SPIRE1: variants seen among roughly 807,000 people sequenced by gnomAD.
SPIRE1 encodes the protein protein spire homolog 1.
Under a neutral mutation model 94.1 loss-of-function variants are expected in SPIRE1, and 40 were observed. That is an observed-to-expected ratio of 0.43 (90% CI 0.33 to 0.55). SPIRE1 has a LOEUF of 0.55. Among genes scored for constraint, SPIRE1 ranks in the 20% least tolerant of loss-of-function variants. The pLI is 0.06. For synonymous variants in SPIRE1, 376 were observed against 371.7 expected (o/e 1.01, Z -0.13); for missense variants, 838 against 975.2 (o/e 0.86, Z 1.87).
At chr18:12,555,168 T>C (rs1030905500) in intron 2 of SPIRE1, among the ~76,000 whole-genome samples, 3 of 152,244 alleles carry the variant, frequency 2.0e-5, no homozygotes, top group Admixed American at 6.5e-5. Context: ...TCTCCTCAGC[T>C]GCAGGCACCC....
intron 10 of SPIRE1, among the ~76,000 whole-genome samples, chr18:12,471,352 C>G (rs929871754): frequency 6.6e-5 from 10 of 151,712 alleles, no homozygotes; most frequent in Non-Finnish European, 1.5e-4. Flanking sequence ...ATTTCTAAGG[C>G]CCCTTCCAGT....
At chr18:12,637,701 A>G (rs767074014) in intron 1 of SPIRE1, among the ~76,000 whole-genome samples, 6 of 152,218 alleles carry the variant, frequency 3.9e-5, no homozygotes, top group Non-Finnish European at 7.3e-5. Context: ...GGGCACGCCA[A>G]GCCCATTCCC....
chr18:12,596,512 G>C (rs1406679707), intron 2 of SPIRE1, among the ~76,000 whole-genome samples: 1 of 151,940 alleles, frequency 6.6e-6, no homozygotes. Context: ...TTCCCACAAA[G>C]TTGAAAGGGG....
intron 2 of SPIRE1, among the ~76,000 whole-genome samples, chr18:12,629,359 C>A (rs1039975404): frequency 6.6e-6 from 1 of 152,112 alleles, no homozygotes; most frequent in Non-Finnish European, 1.5e-5. Flanking sequence ...AGATTATAAT[C>A]CACAAAACTA....
rs191072160 is a variant in SPIRE1, at chr18:12,583,383, C to T, written c.373-36479G>A. On this transcript the variant is annotated intron_variant, in intron 2 of 16. Transcript: ENST00000409402. ...CTTTGGGAGGCCAAGGCAGGCGGATCATGAGGTCAAGAGATTGAGACCATC... is the reference window on the plus strand; with the variant it reads ...CTTTGGGAGGCCAAGGCAGGCGGATTATGAGGTCAAGAGATTGAGACCATC... Among the ~76,000 whole-genome samples the T allele has an allele frequency of 8.1e-3, 1,234 of 152,292 alleles. 13 individuals carry two copies. Among genetic ancestry groups the T allele is most frequent in the African/African-American group, 0.028 (1,179 of 41,560 alleles).
In SPIRE1 at chr18:12,463,336, C is replaced by A; in HGVS notation, c.1638+15G>T. 1.3e-6 allele frequency: 2 copies of A among 1,594,222 alleles called. No individual in the cohort carries two copies. The highest frequency in any genetic ancestry group is 1.7e-6 in the Non-Finnish European group (2 of 1,169,468). The stretch of plus-strand genomic sequence containing the variant: ...GCTGGTCCCTAAGTTACTACAAAGT[C>A]TTTCCTGTACTTACAAGAGAGCGGG... On this transcript the variant is annotated intron_variant, in intron 12 of 16. Coordinates refer to ENST00000409402, the MANE Select transcript of SPIRE1 (RefSeq NM_001128626.2).
chr18:12,628,879 G>A (rs1450489192), intron 2 of SPIRE1, among the ~76,000 whole-genome samples: 4 of 152,094 alleles, frequency 2.6e-5, no homozygotes, highest in African/African-American at 9.7e-5. Context: ...TGAGTAAGCT[G>A]TAAAATATTT....
chr18:12,456,648 T>C (rs1388016197), intron 12 of SPIRE1, among the ~76,000 whole-genome samples: 1 of 152,164 alleles, frequency 6.6e-6, no homozygotes, highest in East Asian at 1.9e-4. Context: ...ATGATGTGGA[T>C]AACTGGGCTG....
intron 4 of SPIRE1, among the ~76,000 whole-genome samples, chr18:12,514,789 AT>A (rs959908922): frequency 6.6e-6 from 1 of 152,192 alleles, no homozygotes; most frequent in Non-Finnish European, 1.5e-5. Flanking sequence ...CTCACATTAC[AT>A]TTAAGTGTCT....
intron 10 of SPIRE1, among the ~76,000 whole-genome samples, chr18:12,474,641 G>A (rs1283832114): frequency 6.6e-6 from 1 of 152,150 alleles, no homozygotes; most frequent in Non-Finnish European, 1.5e-5. Flanking sequence ...GGCCAACATG[G>A]TGAAACCCTA....
At chr18:12,506,814 G>A (rs893541479) in intron 5 of SPIRE1, among the ~76,000 whole-genome samples, 173 bp from the exon 6 acceptor site, 6 of 152,186 alleles carry the variant, frequency 3.9e-5, no homozygotes, top group African/African-American at 1.4e-4. Flanking sequence ...AAAGCAAGTA[G>A]AGAATCCACA....
At chr18:12,545,659 A>G (rs1377936486) in intron 3 of SPIRE1, among the ~76,000 whole-genome samples, 2 of 152,214 alleles carry the variant, frequency 1.3e-5, no homozygotes, top group African/African-American at 4.8e-5. Context: ...AATTTAAAAG[A>G]GAAAAATTCA....
intron 6 of SPIRE1, among the ~76,000 whole-genome samples, chr18:12,503,413 C>T (rs1211774385): frequency 6.6e-6 from 1 of 152,202 alleles, no homozygotes; most frequent in African/African-American, 2.4e-5. Context: ...CTGGCTATGC[C>T]TTGTCCGTCT....
At chr18:12,654,065 C>T (rs2038457022) in intron 1 of SPIRE1, among the ~76,000 whole-genome samples, 1 of 151,570 alleles carries the variant, frequency 6.6e-6, no homozygotes, top group South Asian at 2.1e-4. Context: ...GGCCAGGCAC[C>T]GTGGCTCACT....
At chr18:12,650,207 C>T (rs1258984613) in intron 1 of SPIRE1, among the ~76,000 whole-genome samples, 2 of 151,658 alleles carry the variant, frequency 1.3e-5, no homozygotes, top group Non-Finnish European at 2.9e-5. Context: ...CCACTGCACT[C>T]CAGCCTGGGC....
chr18:12,662,011 T>A (rs924866781), upstream of SPIRE1: 1 of 255,322 alleles, frequency 3.9e-6, no homozygotes, highest in Non-Finnish European at 8.1e-6. Flanking sequence ...TGACTTTTTT[T>A]ATATTTACTT....
Position 12,504,247 on chromosome 18 carries a change from C to T in SPIRE1, c.972+2230G>A, listed in dbSNP as rs549532349. ...CGTGGCTGGGCATGGTGGCTCACGC[C>T]TGTAATCCTAGCACTTTGGGAGGCT... is the stretch of plus-strand genomic sequence containing the variant. On this transcript the variant is annotated intron_variant, in intron 6 of 16. Coordinates refer to ENST00000409402, the MANE Select transcript of SPIRE1 (RefSeq NM_001128626.2). Among the ~76,000 whole-genome samples the T allele has an allele frequency of 5.4e-5, 8 of 147,498 alleles. No individual in the cohort carries two copies. In the East Asian group the frequency reaches 1.5e-3, roughly 28 times the overall value.
intron 10 of SPIRE1, among the ~76,000 whole-genome samples, chr18:12,469,641 TATAA>T (rs1442960588): frequency 2.1e-5 from 3 of 144,584 alleles, no homozygotes; most frequent in Admixed American, 7.1e-5. Context: ...TTTATATTTA[TATAA>T]ATATATTATT....
In SPIRE1 at chr18:12,485,100, T is replaced by G. The variant is rs971355609; in HGVS notation, c.1231+859A>C. Among the ~76,000 whole-genome samples, 11 of 140,112 alleles carry G rather than the reference T, an allele frequency of 7.9e-5. No individual in the cohort carries two copies. The South Asian group carries it at 2.6e-3, about 33-fold the overall frequency. The allele number at this position is 140,112 out of a possible 152,430, so 91.9% of individuals were successfully genotyped here. On this transcript the variant is annotated intron_variant, in intron 9 of 16. Coordinates refer to ENST00000409402, the MANE Select transcript of SPIRE1 (RefSeq NM_001128626.2). The stretch of plus-strand genomic sequence containing the variant: ...AGCCATTACAATGCTCTTGTATTTT[T>G]ATACTCTTTTTTTTTTTTTTTTGAG...
Sources: gnomAD v4.1 joint callset for allele counts (sites outside exome capture counted in the v4.1 genomes callset) on GRCh38, gnomAD v4.1.1 for gene constraint, MANE v1.5 for transcripts, NCBI Gene and HGNC (gene_info 2026-07-23, HGNC 2026-07-21) for gene names.